NEO1: variants seen among roughly 807,000 people sequenced by gnomAD.
The protein encoded by NEO1 is neogenin 1.
In NEO1, 63 loss-of-function variants were observed where a neutral mutation model predicts 159.7. That is an observed-to-expected ratio of 0.39 (90% CI 0.32 to 0.49). NEO1 has a LOEUF of 0.49. Ranked by LOEUF, NEO1 falls within the 20% of genes least tolerant of loss-of-function variation. NEO1 has a pLI of 0.85. For synonymous variants in NEO1, 633 were observed against 662.0 expected (o/e 0.96, Z 0.67); for missense variants, 1,615 against 1,831.0 (o/e 0.88, Z 2.15).
intron 5 of NEO1, among the ~76,000 whole-genome samples, chr15:73,153,745 C>T (rs552345138): frequency 1.3e-5 from 2 of 152,174 alleles, no homozygotes; most frequent in Admixed American, 6.5e-5. Flanking sequence ...CAATACCTGA[C>T]TTACATCTGA....
At chr15:73,203,032 A>G (rs533487145) in intron 7 of NEO1, among the ~76,000 whole-genome samples, 12 of 152,306 alleles carry the variant, frequency 7.9e-5, no homozygotes, top group African/African-American at 2.6e-4. Context: ...CCATCATTAG[A>G]CATTTGGATT....
chr15:73,127,520 C>G (rs1034589680), intron 4 of NEO1, among the ~76,000 whole-genome samples: 1 of 152,154 alleles, frequency 6.6e-6, no homozygotes. Context: ...AGTAGCACTT[C>G]CGCATTGTGA....
intron 13 of NEO1, among the ~76,000 whole-genome samples, chr15:73,258,221 T>C (rs1333336965): frequency 6.6e-6 from 1 of 152,230 alleles, no homozygotes; most frequent in East Asian, 1.9e-4. Flanking sequence ...ACTTACTATA[T>C]AATATATGAG....
At chr15:73,248,755 A>G (rs1455261107) in intron 9 of NEO1, among the ~76,000 whole-genome samples, 1 of 152,274 alleles carries the variant, frequency 6.6e-6, no homozygotes, top group East Asian at 1.9e-4. Flanking sequence ...TGGCTACCAC[A>G]ATGCCCGGCA....
intron 1 of NEO1, among the ~76,000 whole-genome samples, chr15:73,069,953 A>C (rs1044174201): frequency 6.6e-6 from 1 of 152,166 alleles, no homozygotes; most frequent in Non-Finnish European, 1.5e-5. Flanking sequence ...TGACAGATTG[A>C]GTATAGTATA....
chr15:73,116,992 ATATACTCTGCGTATGGGACCTTGCTGT>A, intron 2 of NEO1, 135 bp downstream of exon 2: 2 of 697,538 alleles, frequency 2.9e-6, no homozygotes, highest in African/African-American at 3.6e-5. Flanking sequence ...TCAATTGTGC[ATATACTCTGCGTATGGGACCTTGCTGT>A]AGGGCTTGCT....
At position 73,249,680 on chromosome 15, in the gene NEO1, G is replaced by C; in HGVS notation, c.1853G>C (p.Gly618Ala). Residue 618 changes from glycine to alanine, a missense_variant, in exon 11 of 29, where the codon GGA becomes GCA. Physicochemically the swap from Gly to Ala is moderately conservative, Grantham distance 60 (BLOSUM62 0). This residue lies in a region of NEO1 where 1,018 missense variants were observed against 1,115.4 expected (regional missense o/e 0.91). Coordinates refer to ENST00000261908, the MANE Select transcript of NEO1 (RefSeq NM_002499.4). ...GTGGCCTACAATAAACATGGTCCTG[G>C]AGTTTCCACACCAGATGTTGCTGTT... ...RVVAYNKHGP[G>A]VSTPDVAVRT... 6.2e-7 allele frequency: 1 copy of C among 1,613,482 alleles called. No individual in the cohort carries two copies. The highest frequency in any genetic ancestry group is 8.5e-7 in the Non-Finnish European group (1 of 1,179,828).
chr15:73,108,018 C>T (rs1039590130), intron 1 of NEO1, among the ~76,000 whole-genome samples: 5 of 152,042 alleles, frequency 3.3e-5, no homozygotes, highest in African/African-American at 1.2e-4. Flanking sequence ...CCGGTCTGTA[C>T]CAAAAAGACA....
At chr15:73,259,029 T>G in intron 14 of NEO1, 153 bp downstream of exon 14, 1 of 618,524 alleles carries the variant, frequency 1.6e-6, no homozygotes, top group Non-Finnish European at 2.9e-6. Context: ...GCATCGAGGC[T>G]GCTGGAATGG....
At chr15:73,161,358 T>C (rs1050201987) in intron 5 of NEO1, among the ~76,000 whole-genome samples, 22 of 152,332 alleles carry the variant, frequency 1.4e-4, no homozygotes, top group Middle Eastern at 3.4e-3. Context: ...TTATGTATCT[T>C]TTCCCTGATG....
At chr15:73,137,406 A>T (rs1420589177) in intron 5 of NEO1, among the ~76,000 whole-genome samples, 2 of 152,228 alleles carry the variant, frequency 1.3e-5, no homozygotes, top group African/African-American at 2.4e-5. Flanking sequence ...AGCAATCTGC[A>T]TGATAGAGAA....
intron 9 of NEO1, among the ~76,000 whole-genome samples, chr15:73,245,368 A>G (rs2039732713): frequency 6.6e-6 from 1 of 152,144 alleles, no homozygotes; most frequent in Admixed American, 6.5e-5. Context: ...GGTTACTTCT[A>G]ATTACATTTC....
chr15:73,267,276 A>G (rs1281603652), intron 16 of NEO1, among the ~76,000 whole-genome samples: 1 of 152,206 alleles, frequency 6.6e-6, no homozygotes, highest in East Asian at 1.9e-4. Flanking sequence ...ACAAACAAAA[A>G]TCTCTAAAAT....
intron 1 of NEO1, among the ~76,000 whole-genome samples, chr15:73,082,598 GAA>G (rs1343960978): frequency 6.6e-6 from 1 of 151,522 alleles, no homozygotes; most frequent in Non-Finnish European, 1.5e-5. Context: ...TTTTTGGAAA[GAA>G]AGCATTTTGT....
intron 7 of NEO1, among the ~76,000 whole-genome samples, chr15:73,221,387 C>T (rs951945591): frequency 1.3e-5 from 2 of 152,208 alleles, no homozygotes; most frequent in Non-Finnish European, 2.9e-5. Flanking sequence ...GTCAGGGACC[C>T]ACTTGAGGAG....
chr15:73,067,452 C>CTT (rs11330606), intron 1 of NEO1, among the ~76,000 whole-genome samples: 6 of 137,606 alleles, frequency 4.4e-5, no homozygotes, highest in Admixed American at 1.5e-4. Context: ...GCTTTTCTTT[C>CTT]TTTTTTTTTT....
In NEO1 at chr15:73,124,722, T is replaced by C. The variant is rs796174452; in HGVS notation, c.725-1695T>C. On this transcript the variant is annotated intron_variant, in intron 3 of 28. Transcript: ENST00000261908. ...ATCTTTGATTTCCACCCCCAGTGTT[T>C]TCTCCTTCTACCTTCATTTTACTTC... 5.3e-4 allele frequency among the ~76,000 whole-genome samples: 81 copies of C among 152,276 alleles called. 1 individual carries two copies. The highest frequency in any genetic ancestry group is 1.8e-3 in the African/African-American group (76 of 41,574).
intron 22 of NEO1, among the ~76,000 whole-genome samples, chr15:73,279,351 G>GTT (rs869029902): frequency 2.5e-5 from 3 of 119,342 alleles, no homozygotes; most frequent in African/African-American, 6.0e-5. Context: ...TTTGGTTTTG[G>GTT]TTTTTTTTTT....
chr15:73,141,747 C>T (rs1432881951), intron 5 of NEO1, among the ~76,000 whole-genome samples: 1 of 152,216 alleles, frequency 6.6e-6, no homozygotes, highest in Non-Finnish European at 1.5e-5. Context: ...AGACATTGAT[C>T]TCCCCTTTTC....
Sources: allele counts gnomAD v4.1 joint callset (sites outside exome capture counted in the v4.1 genomes callset), GRCh38; gene constraint gnomAD v4.1.1; regional missense constraint gnomAD v4.1.1; transcripts MANE v1.5; gene names NCBI Gene and HGNC (gene_info 2026-07-23, HGNC 2026-07-21).